The following RBM33 variants were observed in gnomAD, a reference collection of about 807,000 sequenced individuals.
RBM33 encodes the protein RNA binding motif protein 33, also known as RNA-binding protein 33.
A neutral mutation model predicts 132.6 loss-of-function variants in RBM33; 28 were observed. That is an observed-to-expected ratio of 0.21 (90% CI 0.16 to 0.29). The LOEUF (loss-of-function observed/expected upper bound fraction) is 0.29, where lower values mean the gene tolerates loss of function less well. RBM33 is among the 10% of genes least tolerant of loss of function. The pLI is 1.00. For missense variants in RBM33, 1,291 were observed against 1,518.5 expected (o/e 0.85, Z 2.49); for synonymous variants, 634 against 593.0 (o/e 1.07, Z -1.01).
At chr7:155,728,455 C>G (rs1800856794) in intron 9 of RBM33, among the ~76,000 whole-genome samples, 1 of 152,168 alleles carries the variant, frequency 6.6e-6, no homozygotes, top group African/African-American at 2.4e-5. Context: ...TTTCTCCGTT[C>G]TTACTCTATT....
chr7:155,645,217 C>T, intron 1 of RBM33: 1 of 347,190 alleles, frequency 2.9e-6, no homozygotes, highest in Non-Finnish European at 5.2e-6. Flanking sequence ...AGTGCCGAAG[C>T]CGGCCTGGTG....
intron 5 of RBM33, among the ~76,000 whole-genome samples, chr7:155,692,178 T>C (rs1799663312): frequency 6.6e-6 from 1 of 151,438 alleles, no homozygotes; most frequent in South Asian, 2.1e-4. Flanking sequence ...AAATGAACAA[T>C]AGGTGTATGA....
intron 10 of RBM33, 80 bp from the exon 11 acceptor site, chr7:155,737,980 A>G: frequency 8.0e-7 from 1 of 1,244,180 alleles, no homozygotes; most frequent in Non-Finnish European, 1.2e-6. Flanking sequence ...TGTCCACAGT[A>G]GGATAGTGCT....
chr7:155,689,272 A>G (rs1012506314), intron 5 of RBM33, among the ~76,000 whole-genome samples: 1 of 152,190 alleles, frequency 6.6e-6, no homozygotes, highest in Non-Finnish European at 1.5e-5. Flanking sequence ...AGGTGTTTAT[A>G]GTATTCTCTG....
At chr7:155,703,195 C>T (rs1410015572) in intron 6 of RBM33, among the ~76,000 whole-genome samples, 1 of 152,196 alleles carries the variant, frequency 6.6e-6, no homozygotes, top group Non-Finnish European at 1.5e-5. Context: ...GGACTTTTCC[C>T]TCATTTTTTT....
chr7:155,717,879 A>G (rs986329416), intron 8 of RBM33, among the ~76,000 whole-genome samples: 5 of 152,124 alleles, frequency 3.3e-5, no homozygotes, highest in Non-Finnish European at 7.4e-5. Context: ...TTTAGTGGAA[A>G]ATTTTTAACA....
intron 8 of RBM33, among the ~76,000 whole-genome samples, chr7:155,713,365 T>G (rs1800362185): frequency 6.6e-6 from 1 of 150,484 alleles, no homozygotes; most frequent in Non-Finnish European, 1.5e-5. Context: ...GAGGAGGGAG[T>G]CTGTGTGTGG....
chr7:155,712,955 G>A (rs1800350187), intron 8 of RBM33, among the ~76,000 whole-genome samples: 2 of 152,208 alleles, frequency 1.3e-5, no homozygotes, highest in Non-Finnish European at 2.9e-5. Context: ...TGGCAAGGGT[G>A]GAAGCTGGTG....
chr7:155,746,241 A>T (rs534433331), intron 14 of RBM33, among the ~76,000 whole-genome samples: 12 of 152,190 alleles, frequency 7.9e-5, no homozygotes, highest in South Asian at 2.1e-4. Flanking sequence ...TGTGGTGTAT[A>T]GCTTTAGACT....
intron 9 of RBM33, among the ~76,000 whole-genome samples, chr7:155,725,203 G>GTTTTTTT (rs59050644): frequency 1.5e-4 from 16 of 105,186 alleles, no homozygotes; most frequent in South Asian, 3.5e-4. Context: ...TTTTTTAGTT[G>GTTTTTTT]TTTTTTTTTT....
At chr7:155,721,968 T>C (rs1169017944) in intron 9 of RBM33, among the ~76,000 whole-genome samples, 2 of 152,208 alleles carry the variant, frequency 1.3e-5, no homozygotes, top group African/African-American at 2.4e-5. Context: ...TTGCTCTTGG[T>C]TATGTTAGTC....
At chr7:155,753,463 G>T (rs1801748035) in intron 14 of RBM33, among the ~76,000 whole-genome samples, 2 of 152,222 alleles carry the variant, frequency 1.3e-5, no homozygotes, top group African/African-American at 4.8e-5. Context: ...CGGACAGGAG[G>T]ATGCCGCTGT....
At chr7:155,689,611 A>G (rs377210098) in intron 5 of RBM33, among the ~76,000 whole-genome samples, 4 of 152,064 alleles carry the variant, frequency 2.6e-5, no homozygotes, top group African/African-American at 9.7e-5. Context: ...TGGGCATTTA[A>G]TGCTATAAAT....
chr7:155,726,121 G>A (rs1247743945), intron 9 of RBM33, among the ~76,000 whole-genome samples: 7 of 152,098 alleles, frequency 4.6e-5, no homozygotes, highest in Admixed American at 2.0e-4. Flanking sequence ...TTCTTATATC[G>A]TTCTTTGTAT....
chr7:155,702,426 A>G (rs1344267866), intron 6 of RBM33, among the ~76,000 whole-genome samples: 1 of 152,168 alleles, frequency 6.6e-6, no homozygotes, highest in East Asian at 1.9e-4. Flanking sequence ...ACTTTTTTCA[A>G]GTTATGATAT....
chr7:155,716,983 G>A (rs539380206), intron 8 of RBM33, among the ~76,000 whole-genome samples: 7 of 152,236 alleles, frequency 4.6e-5, no homozygotes, highest in African/African-American at 9.6e-5. Context: ...TGGGAAGTGC[G>A]ATGTCAATTA....
intron 1 of RBM33, among the ~76,000 whole-genome samples, chr7:155,657,588 G>A (rs955629779): frequency 2.6e-5 from 4 of 152,134 alleles, no homozygotes; most frequent in African/African-American, 9.7e-5. Flanking sequence ...GCACACTACA[G>A]CTTCAAATTT....
chr7:155,752,509 A>G lies in RBM33; in HGVS notation c.2979+6907A>G, dbSNP rs1286434755. The stretch of plus-strand genomic sequence containing the variant: ...ATTTAAAGTGAGTCCCTCATCCTCT[A>G]TAAACCCAAACAAAAGATTGACAGT... On this transcript the variant is annotated intron_variant, in intron 14 of 17. Coordinates refer to ENST00000401878, the MANE Select transcript of RBM33 (RefSeq NM_053043.3). Among the ~76,000 whole-genome samples, 3 of 152,336 alleles carry G rather than the reference A, an allele frequency of 2.0e-5. No individual in the cohort carries two copies. The South Asian group carries it at 6.2e-4, about 32-fold the overall frequency.
At chr7:155,729,782 C>T (rs1267894023) in intron 9 of RBM33, among the ~76,000 whole-genome samples, 1 of 151,352 alleles carries the variant, frequency 6.6e-6, no homozygotes. Context: ...CATGTAAGAA[C>T]TCAGTTCTGT....
Sources: gnomAD v4.1 joint callset for allele counts (sites outside exome capture counted in the v4.1 genomes callset) on GRCh38, gnomAD v4.1.1 for gene constraint, MANE v1.5 for transcripts, NCBI Gene and HGNC (gene_info 2026-07-23, HGNC 2026-07-21) for gene names.